Variants in RIGI observed in about 807,000 individuals in gnomAD.
RIGI encodes antiviral innate immune response receptor RIG-I.
chr9:32,513,501 T>C, the RIGI span, among the ~76,000 whole-genome samples: 42 of 152,180 alleles, frequency 2.8e-4, no homozygotes, highest in African/African-American at 1.0e-3. Context: ...TTAATAAATG[T>C]TGTTGGGAAA....
chr9:32,499,316 GTT>G, the RIGI span, among the ~76,000 whole-genome samples: 2,528 of 57,570 alleles, frequency 0.044, 22 homozygotes, highest in African/African-American at 0.13. Context: ...TTTGTGATTT[GTT>G]TTTTTTTTTT....
At chr9:32,492,463 A>C in the RIGI span, 1 of 1,614,172 alleles carries the variant, frequency 6.2e-7, no homozygotes, top group Admixed American at 1.7e-5. Context: ...GTTTTGGGCC[A>C]GTTTTCCTTG....
the RIGI span, among the ~76,000 whole-genome samples, chr9:32,473,706 A>C: frequency 4.6e-5 from 7 of 152,222 alleles, no homozygotes; most frequent in African/African-American, 1.4e-4. Context: ...GAATTTCTAC[A>C]TACTAGCAAC....
chr9:32,510,717 G>T, the RIGI span, among the ~76,000 whole-genome samples: 30 of 152,226 alleles, frequency 2.0e-4, no homozygotes, highest in East Asian at 5.8e-3. Flanking sequence ...ATAATGACAG[G>T]ATCAAATTCA....
At chr9:32,512,894 G>A in the RIGI span, among the ~76,000 whole-genome samples, 12 of 151,992 alleles carry the variant, frequency 7.9e-5, no homozygotes, top group South Asian at 6.3e-4. Context: ...AAATCAATGT[G>A]CAAAAATCAC....
chr9:32,457,187 A>G, the RIGI span: 1 of 1,613,270 alleles, frequency 6.2e-7, no homozygotes, highest in Non-Finnish European at 8.5e-7. Flanking sequence ...CACTTCGAGT[A>G]CAGTGTCTGA....
chr9:32,500,046 T>C, the RIGI span, among the ~76,000 whole-genome samples: 1 of 152,228 alleles, frequency 6.6e-6, no homozygotes, highest in Non-Finnish European at 1.5e-5. Flanking sequence ...GATATGGTCC[T>C]AATTAGAGGG....
At chr9:32,511,076 C>T in the RIGI span, among the ~76,000 whole-genome samples, 1 of 152,058 alleles carries the variant, frequency 6.6e-6, no homozygotes, top group Non-Finnish European at 1.5e-5. Context: ...ACAGGAATAC[C>T]CAGATTCATA....
chr9:32,467,998 C>T, the RIGI span: 4 of 1,426,862 alleles, frequency 2.8e-6, no homozygotes, highest in East Asian at 9.3e-5. Flanking sequence ...GAAAAAACAG[C>T]TACTAATTAT....
the RIGI span, among the ~76,000 whole-genome samples, chr9:32,513,673 G>C: frequency 1.3e-5 from 2 of 152,286 alleles, no homozygotes; most frequent in African/African-American, 4.8e-5. Flanking sequence ...CACGGGCAAA[G>C]ACTTCATGAC....
At chr9:32,522,895 C>T in the RIGI span, among the ~76,000 whole-genome samples, 1 of 152,174 alleles carries the variant, frequency 6.6e-6, no homozygotes, top group Non-Finnish European at 1.5e-5. Context: ...CCCTCCTGAT[C>T]TTAAAGCTGA....
At chr9:32,509,999 T>A in the RIGI span, among the ~76,000 whole-genome samples, 1 of 151,758 alleles carries the variant, frequency 6.6e-6, no homozygotes, top group South Asian at 2.1e-4. Context: ...AGATTGAAGA[T>A]GAATTTAATG....
chr9:32,481,274 G>T, the RIGI span: 1 of 1,485,970 alleles, frequency 6.7e-7, no homozygotes, highest in Non-Finnish European at 9.1e-7. Context: ...TGTTATCTTG[G>T]CTTCCACGGT....
chr9:32,503,116 C>T, the RIGI span, among the ~76,000 whole-genome samples: 1 of 152,156 alleles, frequency 6.6e-6, no homozygotes, highest in Non-Finnish European at 1.5e-5. Context: ...CATTCTGTTC[C>T]TAAGCCCATT....
At chr9:32,465,369 C>T in the RIGI span, among the ~76,000 whole-genome samples, 1 of 152,136 alleles carries the variant, frequency 6.6e-6, no homozygotes. Context: ...TTTTGGAGCA[C>T]AGAGATTATG....
chr9:32,504,695 A>ATG, the RIGI span, among the ~76,000 whole-genome samples: 9 of 145,406 alleles, frequency 6.2e-5, 2 homozygotes, highest in Admixed American at 5.7e-4. Flanking sequence ...AAACATATAT[A>ATG]TATATATTAT....
At chr9:32,494,541 A>T in the RIGI span, among the ~76,000 whole-genome samples, 30 of 152,316 alleles carry the variant, frequency 2.0e-4, no homozygotes, top group South Asian at 5.6e-3. Context: ...AATTGTAGTA[A>T]AAAACAGATA....
the RIGI span, among the ~76,000 whole-genome samples, chr9:32,524,596 GTTTTTTTTTTTTTTT>G: frequency 1.2e-4 from 8 of 67,582 alleles, no homozygotes; most frequent in African/African-American, 3.6e-4. Flanking sequence ...TTGTTTTTCG[GTTTTTTTTTTTTTTT>G]TTTTTTTTTT....
the RIGI span, among the ~76,000 whole-genome samples, chr9:32,506,661 G>C: frequency 6.6e-6 from 1 of 152,052 alleles, no homozygotes; most frequent in African/African-American, 2.4e-5. Context: ...AATCTCACTT[G>C]TTTTCCAGTA....
Sources: gnomAD v4.1 joint callset for allele counts (sites outside exome capture counted in the v4.1 genomes callset) on GRCh38, gnomAD v4.1.1 for gene constraint, MANE v1.5 for transcripts, NCBI Gene and HGNC (gene_info 2026-07-23, HGNC 2026-07-21) for gene names.